The following PLCG1 variants were observed in gnomAD, a reference collection of about 807,000 sequenced individuals.
PLCG1 encodes the protein phospholipase C gamma 1, also known as 1-phosphatidylinositol 4,5-bisphosphate phosphodiesterase gamma-1.
A neutral mutation model predicts 177.8 loss-of-function variants in PLCG1; 71 were observed. The observed-to-expected ratio is 0.40, with a 90% CI of 0.33 to 0.49. PLCG1 has a LOEUF of 0.49. PLCG1 is among the 20% of genes least tolerant of loss of function. PLCG1 has a pLI of 0.72. For missense variants in PLCG1, 1,281 were observed against 1,709.0 expected (o/e 0.75, Z 4.42); for synonymous variants, 658 against 647.9 (o/e 1.02, Z -0.24).
rs2036050510 is a variant in PLCG1 at position 41,175,818 on chromosome 20, C to G, written c.*1309C>G. On this transcript the variant is annotated 3_prime_UTR_variant, in exon 32 of 32. Transcript: ENST00000685551. ...CCAGATGATTATTCTGCAGTAGAAGCAGGTAGGAAATTTCTGGAAATTTCT... is the reference window on the plus strand; with the variant it reads ...CCAGATGATTATTCTGCAGTAGAAGGAGGTAGGAAATTTCTGGAAATTTCT... 6.6e-6 allele frequency: 1 copy of G among 152,622 alleles called. No homozygotes were observed. Among genetic ancestry groups the G allele is most frequent in the Admixed American group, 6.5e-5 (1 of 15,282 alleles). The allele number at this position is 152,622 out of a possible 1,614,324, so 9.5% of individuals were successfully genotyped here. A position where few individuals can be genotyped will look rare whatever the true frequency, so the allele number is the denominator to read the frequency against.
At chr20:41,143,663 G>C (rs1407522470) in intron 1 of PLCG1, among the ~76,000 whole-genome samples, 1 of 152,210 alleles carries the variant, frequency 6.6e-6, no homozygotes, top group Non-Finnish European at 1.5e-5. Flanking sequence ...GCTGGTAATT[G>C]AGCTGAAGTG....
In PLCG1 at chr20:41,170,127, GC is replaced by G. The variant is rs1353681670; in HGVS notation, c.2667del (p.Lys890ArgfsTer34). On this transcript the variant is annotated frameshift_variant, in exon 24 of 32. Transcript: ENST00000685551. LOFTEE classifies it high-confidence loss of function. ...GCCCTCCCAGCCATCCGTCCTGAGG[GC>G]AAGAACAACCGGCTCTTCGTCTTCT... is the stretch of plus-strand genomic sequence containing the variant. ...PACQIAIRPE[G>X]KNNRLFVFSI... 1 of 1,613,110 alleles carries G rather than the reference GC, an allele frequency of 6.2e-7. No homozygotes were observed.
In PLCG1 at chr20:41,159,020, G is replaced by A. The variant is rs758215541; in HGVS notation, c.218-586G>A. On this transcript the variant is annotated intron_variant, in intron 1 of 31. Coordinates refer to ENST00000685551, the MANE Select transcript of PLCG1 (RefSeq NM_002660.3). The surrounding 1 kb of genome is among the most constrained non-coding windows in gnomAD (Gnocchi z 6.0). The stretch of plus-strand genomic sequence containing the variant: ...GGAAATGGTCCCAGGCAAAATGGTG[G>A]TCTGGGTCCAGGATGGTTGCTGCTC... 4.6e-5 allele frequency among the ~76,000 whole-genome samples: 7 copies of A among 152,198 alleles called. No individual in the cohort carries two copies. Among genetic ancestry groups the A allele is most frequent in the African/African-American group, 9.7e-5 (4 of 41,434 alleles).
rs370780207 is a variant in PLCG1 at position 41,170,249 on chromosome 20, G to A, written c.2788G>A (p.Ala930Thr). 17 of 1,614,000 alleles carry A rather than the reference G, an allele frequency of 1.1e-5. No individual in the cohort carries two copies. Among genetic ancestry groups the A allele is most frequent in the African/African-American group, 4.0e-5 (3 of 74,932 alleles). The change falls in exon 24 of 32, where the codon GCC becomes ACC. Residue 930 changes from alanine (A) to threonine (T), a missense_variant. Transcript: ENST00000685551. The part of the protein sequence containing the change: ...QDWVKKIREV[A>T]QTADARLTEG... ...CTGGGTGAAAAAGATCCGTGAAGTG[G>A]CCCAGACAGCAGACGCCAGGGTGAG...
Position 41,163,720 on chromosome 20 carries a change from C to A in PLCG1, c.897C>A (p.Val299=). ...TTCCACATGTTTCTGGACAGTTTGT[C>A]ACCTTCCTGTTCTCCAAAGAGAACA... The part of the protein sequence containing the change: ...EEPYFFLDEF[V]TFLFSKENSV... Residue 299 remains valine (V), a synonymous_variant, in exon 10 of 32, where the codon GTC becomes GTA. Transcript: ENST00000685551. This position sits in a 1 kb window ranked among gnomAD's most constrained non-coding sequence, Gnocchi z 5.2. 6.2e-7 allele frequency: 1 copy of A among 1,602,690 alleles called. No homozygotes were observed. Among genetic ancestry groups the A allele is most frequent in the South Asian group, 1.1e-5 (1 of 90,828 alleles).
chr20:41,168,960 G>C, intron 21 of PLCG1, 90 bp downstream of exon 21: 2 of 1,137,900 alleles, frequency 1.8e-6, no homozygotes, highest in Non-Finnish European at 2.7e-6. Flanking sequence ...CTTGTCTCCT[G>C]TGTGCACCAG....
At chr20:41,170,561 A>G (rs1469804738) in intron 24 of PLCG1, 1 of 332,302 alleles carries the variant, frequency 3.0e-6, no homozygotes, top group African/African-American at 2.1e-5. Flanking sequence ...CCTGGGCTGG[A>G]AGCAGGAGTG....
In PLCG1 at chr20:41,175,340, T is replaced by C. The variant is rs2036032430; in HGVS notation, c.*831T>C. 6.6e-6 allele frequency: 1 copy of C among 151,944 alleles called. No individual in the cohort carries two copies. Among genetic ancestry groups the C allele is most frequent in the Non-Finnish European group, 1.5e-5 (1 of 68,002 alleles). The allele number at this position is 151,944 out of a possible 1,614,324, so 9.4% of individuals were successfully genotyped here. ...GAAGAGAAGAAATAGCAGAGCCTAT[T>C]TTGGTGAGGTTTTTTGTTTTTAAGT... On this transcript the variant is annotated 3_prime_UTR_variant, in exon 32 of 32. Coordinates refer to ENST00000685551, the MANE Select transcript of PLCG1 (RefSeq NM_002660.3).
Position 41,156,642 on chromosome 20 carries a change from G to A in PLCG1, c.218-2964G>A, listed in dbSNP as rs1048471982. 6.6e-6 allele frequency among the ~76,000 whole-genome samples: 1 copy of A among 152,178 alleles called. No individual in the cohort carries two copies. The highest frequency in any genetic ancestry group is 1.5e-5 in the Non-Finnish European group (1 of 68,036). On this transcript the variant is annotated intron_variant, in intron 1 of 31. Coordinates refer to ENST00000685551, the MANE Select transcript of PLCG1 (RefSeq NM_002660.3). The surrounding 1 kb of genome is among the most constrained non-coding windows in gnomAD (Gnocchi z 5.0). Reference sequence around the variant, plus strand: ...TTCCCCTGAATGTTGTCCTCTCATGGTTCTGAGTTGGGGAGGAGTGCTAGG... The same window carrying A: ...TTCCCCTGAATGTTGTCCTCTCATGATTCTGAGTTGGGGAGGAGTGCTAGG...
rs1465718183 is a variant in PLCG1 at position 41,175,614 on chromosome 20, GCA to G, written c.*1112_*1113del. ...TGCCTCATAGCATAGCCAGCATTCA[GCA>G]CACACAAACCTACTGCCCACATTTG... On this transcript the variant is annotated 3_prime_UTR_variant, in exon 32 of 32. Coordinates refer to ENST00000685551, the MANE Select transcript of PLCG1 (RefSeq NM_002660.3). 2.6e-5 allele frequency: 4 copies of G among 152,686 alleles called. No individual in the cohort carries two copies. The highest frequency in any genetic ancestry group is 9.6e-5 in the African/African-American group (4 of 41,456). The allele number at this position is 152,686 out of a possible 1,614,324, so 9.5% of individuals were successfully genotyped here. A position where few individuals can be genotyped will look rare whatever the true frequency, so the allele number is the denominator to read the frequency against.
Position 41,174,126 on chromosome 20 carries a change from G to A in PLCG1, c.3648G>A (p.Gln1216=). 6.2e-7 allele frequency: 1 copy of A among 1,613,084 alleles called. No individual in the cohort carries two copies. The highest frequency in any genetic ancestry group is 8.5e-7 in the Non-Finnish European group (1 of 1,179,146). The change falls in exon 31 of 32, where the codon CAG becomes CAA. Residue 1216 remains glutamine, a splice_region_variant and synonymous_variant. Coordinates refer to ENST00000685551, the MANE Select transcript of PLCG1 (RefSeq NM_002660.3). The surrounding 1 kb of genome is among the most constrained non-coding windows in gnomAD (Gnocchi z 5.8). ...TTGTGCACCTGGCTTCGTTGAAGCAGGAGAATGGTGACCTCAGTCCCTTCA... is the reference window on the plus strand; with the variant it reads ...TTGTGCACCTGGCTTCGTTGAAGCAAGAGAATGGTGACCTCAGTCCCTTCA... ...LIKIDIFPAK[Q]ENGDLSPFSG... is the part of the protein sequence containing the mutation.
rs919529131 is a variant in PLCG1 at position 41,168,832 on chromosome 20, C to T, written c.2445C>T (p.Ser815=). ...QREDELTFIK[S]AIIQNVEKQE... is the part of the protein sequence containing the mutation. The stretch of plus-strand genomic sequence containing the variant: ...AGGACGAGCTGACCTTCATCAAGAG[C>T]GCCATCATCCAGAATGTGGAGAAGC... Residue 815 remains serine (S), a synonymous_variant, in exon 21 of 32, where the codon AGC becomes AGT. Transcript: ENST00000685551. 6.2e-6 allele frequency: 10 copies of T among 1,612,146 alleles called. No homozygotes were observed. Among genetic ancestry groups the T allele is most frequent in the South Asian group, 1.1e-5 (1 of 90,988 alleles).
intron 1 of PLCG1, among the ~76,000 whole-genome samples, chr20:41,141,996 A>G (rs1250356064): frequency 2.6e-5 from 4 of 152,224 alleles, no homozygotes; most frequent in African/African-American, 9.6e-5. Context: ...TGCAATAAGT[A>G]TTATTATACC....
intron 1 of PLCG1, among the ~76,000 whole-genome samples, chr20:41,138,171 G>C (rs951958324): frequency 3.3e-5 from 5 of 152,340 alleles, no homozygotes; most frequent in East Asian, 1.9e-4. Context: ...CCCAGACCCT[G>C]GGAGTGGTGG....
Position 41,164,823 on chromosome 20 carries a change from A to T in PLCG1, c.1218-110A>T. On this transcript the variant is annotated intron_variant, in intron 12 of 31. Coordinates refer to ENST00000685551, the MANE Select transcript of PLCG1 (RefSeq NM_002660.3). The surrounding 1 kb of genome is among the most constrained non-coding windows in gnomAD (Gnocchi z 6.4). ...CTGCCTCTTTTCTGGGATAGTTTTT[A>T]CAGACAAGAAGCCCCCAGGCCCTTG... 1 of 1,063,736 alleles carries T rather than the reference A, an allele frequency of 9.4e-7. No homozygotes were observed. Among genetic ancestry groups the T allele is most frequent in the Non-Finnish European group, 1.4e-6 (1 of 731,526 alleles). 65.9% of individuals were successfully genotyped at this position (1,063,736 alleles called of 1,614,324 possible). A position where few individuals can be genotyped will look rare whatever the true frequency, so the allele number is the denominator to read the frequency against.
Position 41,172,368 on chromosome 20 carries a change from C to T in PLCG1, c.2906-53C>T. The stretch of plus-strand genomic sequence containing the variant: ...GCAAAAAGAGTATTTAGGTATCCCC[C>T]CAACACTTCCTGGGTGGGCGGGCTC... On this transcript the variant is annotated intron_variant, in intron 25 of 31. Coordinates refer to ENST00000685551, the MANE Select transcript of PLCG1 (RefSeq NM_002660.3). The surrounding 1 kb of genome is among the most constrained non-coding windows in gnomAD (Gnocchi z 7.0). 1.3e-6 allele frequency: 2 copies of T among 1,584,590 alleles called. No homozygotes were observed. The highest frequency in any genetic ancestry group is 1.3e-5 in the African/African-American group (1 of 74,404).
chr20:41,155,782 T>C (rs1401705071), intron 1 of PLCG1, among the ~76,000 whole-genome samples: 4 of 152,130 alleles, frequency 2.6e-5, no homozygotes, highest in Admixed American at 6.5e-5. Context: ...GTGGGCTGTC[T>C]CCAGACTTCT....
chr20:41,151,968 G>T lies in PLCG1; in HGVS notation c.218-7638G>T, dbSNP rs1407406349. Among the ~76,000 whole-genome samples the T allele has an allele frequency of 6.6e-6, 1 of 152,194 alleles. No homozygotes were observed. Among genetic ancestry groups the T allele is most frequent in the Non-Finnish European group, 1.5e-5 (1 of 68,020 alleles). ...CCCACAGGGAGTTGTATAGGAACCT[G>T]GGGATGGGGTGACTGAGGTAGGGGG... On this transcript the variant is annotated intron_variant, in intron 1 of 31. Transcript: ENST00000685551. The surrounding 1 kb of genome is among the most constrained non-coding windows in gnomAD (Gnocchi z 5.5).
chr20:41,138,043 C>T (rs896227526), intron 1 of PLCG1, 185 bp downstream of exon 1: 57 of 395,810 alleles, frequency 1.4e-4, no homozygotes, highest in African/African-American at 1.1e-3. Context: ...GCATCCGGGT[C>T]CTCGGTCACC....
Sources: allele counts gnomAD v4.1 joint callset (sites outside exome capture counted in the v4.1 genomes callset), GRCh38; gene constraint gnomAD v4.1.1; non-coding constraint Gnocchi (gnomAD v3.1); transcripts MANE v1.5; gene names NCBI Gene and HGNC (gene_info 2026-07-23, HGNC 2026-07-21).